The following NLGN4X variants were observed in gnomAD, a reference collection of about 807,000 sequenced individuals.
NLGN4X encodes the protein neuroligin 4 X-linked.
Under a neutral mutation model 40.3 loss-of-function variants are expected in NLGN4X, and 3 were observed. The ratio of observed to expected loss-of-function variants is 0.07; its 90% CI spans 0.03 to 0.19. The LOEUF is 0.19. NLGN4X is among the 10% of genes least tolerant of loss of function. The pLI, the probability that NLGN4X is intolerant of heterozygous loss-of-function variation, is 1.00. For missense variants in NLGN4X, 382 were observed against 708.3 expected (o/e 0.54, Z 5.23); for synonymous variants, 270 against 306.8 (o/e 0.88, Z 1.25).
intron 1 of NLGN4X, among the ~76,000 whole-genome samples, chrX:6,153,839 C>T (rs995017938): frequency 1.8e-5 from 2 of 112,211 alleles, no homozygotes; most frequent in Admixed American, 1.9e-4. Context: ...AATCTACATC[C>T]CACAAGGTCC....
At chrX:6,057,989 G>T (rs1315482536) in intron 2 of NLGN4X, among the ~76,000 whole-genome samples, 1 of 111,358 alleles carries the variant, frequency 9.0e-6, no homozygotes, top group Non-Finnish European at 1.9e-5. Flanking sequence ...CATACATGGG[G>T]TAATGAACAT....
chrX:5,930,490 T>C (rs28676937), intron 3 of NLGN4X, among the ~76,000 whole-genome samples: 5,201 of 112,075 alleles, frequency 0.046, 309 homozygotes, highest in African/African-American at 0.16. Flanking sequence ...GTCATTCTTT[T>C]AAATGCAAAA....
At chrX:6,220,505 G>C (rs2147902724) in intron 1 of NLGN4X, among the ~76,000 whole-genome samples, 1 of 106,640 alleles carries the variant, frequency 9.4e-6, no homozygotes, top group East Asian at 2.9e-4. Flanking sequence ...GGACAAGAGA[G>C]GGTAGAATTT....
At chrX:6,174,660 G>C (rs991854620) in intron 1 of NLGN4X, among the ~76,000 whole-genome samples, 2 of 112,015 alleles carry the variant, frequency 1.8e-5, no homozygotes, top group African/African-American at 6.5e-5. Flanking sequence ...GGATACTGCT[G>C]GAGGCCATTA....
intron 2 of NLGN4X, among the ~76,000 whole-genome samples, chrX:6,054,189 G>C (rs1015032673): frequency 9.1e-6 from 1 of 110,007 alleles, no homozygotes; most frequent in Non-Finnish European, 1.9e-5. Context: ...TTCATTGCAG[G>C]AATAACATTA....
chrX:5,948,492 G>A (rs2034202705), intron 3 of NLGN4X, among the ~76,000 whole-genome samples: 2 of 111,928 alleles, frequency 1.8e-5, no homozygotes, highest in Admixed American at 9.5e-5. Context: ...CTATTTTAAA[G>A]GACAAAATCC....
chrX:6,182,002 T>C (rs1284638162), intron 1 of NLGN4X, among the ~76,000 whole-genome samples: 2 of 111,408 alleles, frequency 1.8e-5, no homozygotes, highest in Non-Finnish European at 3.8e-5. Context: ...TTCAGGTGAA[T>C]GTGGAATCAT....
At chrX:6,013,492 A>C (rs956378572) in intron 3 of NLGN4X, among the ~76,000 whole-genome samples, 2 of 108,241 alleles carry the variant, frequency 1.8e-5, no homozygotes, top group African/African-American at 3.3e-5. Flanking sequence ...GCAACGGCTA[A>C]TCATTCAGAA....
intron 1 of NLGN4X, among the ~76,000 whole-genome samples, chrX:6,203,779 A>T (rs937400507): frequency 8.9e-6 from 1 of 112,561 alleles, no homozygotes; most frequent in Non-Finnish European, 1.9e-5. Flanking sequence ...GGCCAGCTAC[A>T]CTGCTCCTAA....
At chrX:5,960,792 T>A (rs1043034171) in intron 3 of NLGN4X, among the ~76,000 whole-genome samples, 1 of 111,519 alleles carries the variant, frequency 9.0e-6, no homozygotes, top group Admixed American at 9.5e-5. Context: ...TAGTTCCTTA[T>A]TCTTCTTAAT....
chrX:5,972,112 TAC>T (rs1231419928), intron 3 of NLGN4X, among the ~76,000 whole-genome samples: 1 of 108,413 alleles, frequency 9.2e-6, no homozygotes, highest in Non-Finnish European at 1.9e-5. Context: ...GTAACATACA[TAC>T]ACACACATGT....
chrX:5,984,159 A>C (rs896647529), intron 3 of NLGN4X, among the ~76,000 whole-genome samples: 1 of 111,728 alleles, frequency 9.0e-6, no homozygotes, highest in East Asian at 2.8e-4. Flanking sequence ...AATGCATTCC[A>C]GAAAATATAA....
chrX:5,925,851 CATAT>C (rs774766613), intron 3 of NLGN4X, among the ~76,000 whole-genome samples: 581 of 36,354 alleles, frequency 0.016, 7 homozygotes, highest in Middle Eastern at 0.025. Flanking sequence ...TATACATACA[CATAT>C]ATATATATAT....
intron 2 of NLGN4X, among the ~76,000 whole-genome samples, chrX:6,111,988 C>T (rs1177064070): frequency 1.8e-5 from 2 of 111,774 alleles, no homozygotes; most frequent in Non-Finnish European, 3.8e-5. Flanking sequence ...TGAACAAATA[C>T]ATTCATAACC....
At chrX:6,185,585 C>CA (rs959716873) in intron 1 of NLGN4X, among the ~76,000 whole-genome samples, 5 of 111,866 alleles carry the variant, frequency 4.5e-5, no homozygotes, top group African/African-American at 1.6e-4. Flanking sequence ...AAAATTCCCA[C>CA]AAAAAATAGA....
At chrX:6,050,379 CCTGT>C (rs137859806) in intron 2 of NLGN4X, among the ~76,000 whole-genome samples, 1,340 of 111,349 alleles carry the variant, frequency 0.012, 14 homozygotes, top group Non-Finnish European at 0.014. Context: ...TACCTACCTA[CCTGT>C]CTGTCTATTT....
intron 2 of NLGN4X, among the ~76,000 whole-genome samples, chrX:6,074,382 G>A (rs749757511): frequency 1.8e-5 from 2 of 111,472 alleles, no homozygotes; most frequent in Non-Finnish European, 3.8e-5. Context: ...AGGTGGGGTG[G>A]TATTACCACT....
intron 3 of NLGN4X, among the ~76,000 whole-genome samples, chrX:5,934,981 T>C (rs967668682): frequency 1.8e-5 from 2 of 112,130 alleles, no homozygotes; most frequent in Non-Finnish European, 3.8e-5. Flanking sequence ...TGTTTTTATA[T>C]GAACTCTCCC....
intron 1 of NLGN4X, among the ~76,000 whole-genome samples, chrX:6,165,669 C>G (rs2040480980): frequency 9.0e-6 from 1 of 111,105 alleles, no homozygotes; most frequent in Non-Finnish European, 1.9e-5. Flanking sequence ...TCTCACATTC[C>G]CACCTCTGGC....
Sources: gnomAD v4.1 joint callset for allele counts (sites outside exome capture counted in the v4.1 genomes callset) on GRCh38, gnomAD v4.1.1 for gene constraint, MANE v1.5 for transcripts, NCBI Gene and HGNC (gene_info 2026-07-23, HGNC 2026-07-21) for gene names.